PCDH11X: variants seen among roughly 807,000 people sequenced by gnomAD.
The protein encoded by PCDH11X is protocadherin 11 X-linked.
Under a neutral mutation model 53.3 loss-of-function variants are expected in PCDH11X, and 18 were observed. The observed-to-expected ratio is 0.34, with a 90% CI of 0.23 to 0.50. PCDH11X has a LOEUF of 0.50. Ranked by LOEUF, PCDH11X falls within the 20% of genes least tolerant of loss-of-function variation. PCDH11X has a pLI of 0.98. For synonymous variants in PCDH11X, 279 were observed against 393.3 expected (o/e 0.71, Z 3.44); for missense variants, 570 against 1,032.4 (o/e 0.55, Z 6.14).
intron 6 of PCDH11X, among the ~76,000 whole-genome samples, chrX:91,903,540 T>G (rs1941029234): frequency 9.1e-6 from 1 of 110,474 alleles, no homozygotes. Flanking sequence ...TGGTTTTAGT[T>G]TCTACAAATT....
At chrX:92,536,458 T>A (rs1273474681) in intron 10 of PCDH11X, among the ~76,000 whole-genome samples, 2 of 110,659 alleles carry the variant, frequency 1.8e-5, no homozygotes, top group Non-Finnish European at 3.8e-5. Flanking sequence ...GATTTTTTCT[T>A]TCTTTTTAGT....
At chrX:92,463,063 A>G (rs1270950613) in intron 9 of PCDH11X, among the ~76,000 whole-genome samples, 1 of 107,812 alleles carries the variant, frequency 9.3e-6, no homozygotes, top group Non-Finnish European at 1.9e-5. Context: ...ATGATTGGCT[A>G]GATTCTCTTT....
In PCDH11X at chrX:92,419,251, ATGTCTGTTTTC is replaced by A. The variant is rs1263360735; in HGVS notation, c.3343+31322_3343+31332del. ...TTTTTCCATCTTTTAGCTTTTTTGT[ATGTCTGTTTTC>A]TGTTTTTTTGTTCTTTTTTTTTTTT... On this transcript the variant is annotated intron_variant, in intron 9 of 10. Transcript: ENST00000682573. 1.3e-4 allele frequency among the ~76,000 whole-genome samples: 11 copies of A among 86,342 alleles called. No individual in the cohort carries two copies. In the East Asian group the frequency reaches 4.3e-3, roughly 33 times the overall value. 75.0% of individuals were successfully genotyped at this position (86,342 alleles called of 115,157 possible). A position where few individuals can be genotyped will look rare whatever the true frequency, so the allele number is the denominator to read the frequency against.
At position 92,271,187 on chromosome X, in the gene PCDH11X, C is replaced by G. The variant is rs1282581564; in HGVS notation, c.3144+8044C>G. ...TTCTTCCTGGTGCAGGGAGGGAACA[C>G]CCTTACAAATGGAGATTTCCTTTAT... On this transcript the variant is annotated intron_variant, in intron 8 of 10. Transcript: ENST00000682573. Among the ~76,000 whole-genome samples the G allele has an allele frequency of 2.7e-5, 3 of 112,206 alleles. No homozygotes were observed. The South Asian group carries it at 1.1e-3, about 41-fold the overall frequency.
intron 10 of PCDH11X, among the ~76,000 whole-genome samples, chrX:92,556,757 C>A (rs921917821): frequency 9.3e-6 from 1 of 107,098 alleles, no homozygotes; most frequent in Admixed American, 1.0e-4. Flanking sequence ...CTAGGCAGTG[C>A]CCCAAAGGGG....
chrX:92,345,242 AT>A (rs1036509494), intron 8 of PCDH11X, among the ~76,000 whole-genome samples: 2 of 110,720 alleles, frequency 1.8e-5, no homozygotes, highest in African/African-American at 6.5e-5. Flanking sequence ...TTTGGTACGT[AT>A]TTTTTTACTG....
At chrX:92,493,287 A>G (rs1318281172) in intron 10 of PCDH11X, among the ~76,000 whole-genome samples, 2 of 111,056 alleles carry the variant, frequency 1.8e-5, no homozygotes, top group East Asian at 5.7e-4. Flanking sequence ...CAAGATGAAT[A>G]AGCCCTAGAG....
rs1190611461 is a variant in PCDH11X at position 92,004,430 on chromosome X, T to C, written c.3033+125157T>C. ...ATAATAGTCCAGACTAAATATGATGTTTCATTGTTGATTTTCCTTATGGAA... is the reference window on the plus strand; with the variant it reads ...ATAATAGTCCAGACTAAATATGATGCTTCATTGTTGATTTTCCTTATGGAA... On this transcript the variant is annotated intron_variant, in intron 6 of 10. Transcript: ENST00000682573. 8.1e-5 allele frequency among the ~76,000 whole-genome samples: 9 copies of C among 111,268 alleles called. No homozygotes were observed. The Admixed American group carries it at 8.6e-4, about 11-fold the overall frequency.
At chrX:91,850,759 G>T (rs1388367697) in intron 5 of PCDH11X, among the ~76,000 whole-genome samples, 7 of 110,224 alleles carry the variant, frequency 6.4e-5, no homozygotes, top group African/African-American at 2.3e-4. Context: ...GCTGCTCACG[G>T]ATTGAAAACA....
At chrX:91,893,917 G>T (rs1054801424) in intron 6 of PCDH11X, among the ~76,000 whole-genome samples, 10 of 111,061 alleles carry the variant, frequency 9.0e-5, no homozygotes, top group African/African-American at 3.3e-4. Context: ...GAAATAGAAC[G>T]GATAAAAATA....
intron 8 of PCDH11X, among the ~76,000 whole-genome samples, chrX:92,279,202 C>G (rs1006588611): frequency 2.7e-5 from 3 of 112,054 alleles, no homozygotes; most frequent in Non-Finnish European, 5.6e-5. Context: ...TCCTTTTAGC[C>G]TGGTATATTT....
chrX:91,798,205 G>A (rs1360160483), intron 1 of PCDH11X: 3 of 111,193 alleles, frequency 2.7e-5, no homozygotes, highest in Non-Finnish European at 5.7e-5. Flanking sequence ...TTGGAGCAGG[G>A]AGATGGAATA....
In PCDH11X at chrX:92,026,482, T is replaced by C. The variant is rs773807062; in HGVS notation, c.3033+147209T>C. Among the ~76,000 whole-genome samples, 19 of 110,867 alleles carry C rather than the reference T, an allele frequency of 1.7e-4. No homozygotes were observed. The South Asian group carries it at 7.3e-3, about 42-fold the overall frequency. Reference sequence around the variant, plus strand: ...AGGAATGTGTGGCTAAAAGAGGAGATACATTTCCCATAAGACTCAAGGAAC... The same window carrying C: ...AGGAATGTGTGGCTAAAAGAGGAGACACATTTCCCATAAGACTCAAGGAAC... On this transcript the variant is annotated intron_variant, in intron 6 of 10. Transcript: ENST00000682573.
intron 4 of PCDH11X, among the ~76,000 whole-genome samples, chrX:91,827,374 G>GTTAGCAAATATGTTTTAGCATCTGTTA (rs1936959644): frequency 9.0e-6 from 1 of 111,359 alleles, no homozygotes; most frequent in Non-Finnish European, 1.9e-5. Flanking sequence ...CAGATGCATA[G>GTTAGCAAATATGTTTTAGCATCTGTTA]TTAGCAAATA....
intron 8 of PCDH11X, among the ~76,000 whole-genome samples, chrX:92,273,038 T>C (rs1447252166): frequency 8.9e-6 from 1 of 112,193 alleles, no homozygotes; most frequent in Admixed American, 9.5e-5. Flanking sequence ...TTCTTGTTTA[T>C]GTTTGTGTTT....
chrX:92,203,792 T>C (rs2066431060), intron 7 of PCDH11X, among the ~76,000 whole-genome samples: 1 of 112,029 alleles, frequency 8.9e-6, no homozygotes, highest in African/African-American at 3.2e-5. Flanking sequence ...CTTCTTTTGC[T>C]GAGTCACTTC....
chrX:92,535,984 G>A (rs969949580), intron 10 of PCDH11X, among the ~76,000 whole-genome samples: 2 of 106,824 alleles, frequency 1.9e-5, no homozygotes, highest in Non-Finnish European at 3.9e-5. Flanking sequence ...TTTGTTTTAC[G>A]GGGTTTGATA....
intron 8 of PCDH11X, among the ~76,000 whole-genome samples, chrX:92,283,689 T>G (rs1210894502): frequency 8.9e-6 from 1 of 111,842 alleles, no homozygotes; most frequent in African/African-American, 3.2e-5. Flanking sequence ...CCATATGAAT[T>G]GTTATATTAT....
intron 6 of PCDH11X, among the ~76,000 whole-genome samples, chrX:91,990,385 T>A (rs2147942138): frequency 9.4e-6 from 1 of 105,909 alleles, no homozygotes; most frequent in African/African-American, 3.5e-5. Flanking sequence ...TGTGGTTGCT[T>A]GTTGGGAGAT....
Sources: allele counts gnomAD v4.1 joint callset (sites outside exome capture counted in the v4.1 genomes callset), GRCh38; gene constraint gnomAD v4.1.1; transcripts MANE v1.5; gene names NCBI Gene and HGNC (gene_info 2026-07-23, HGNC 2026-07-21).